Variants in KIF26B observed in about 807,000 individuals in gnomAD.
KIF26B encodes the protein kinesin-like protein KIF26B.
KIF26B carries 63 observed loss-of-function variants against 151.2 expected under a neutral mutation model. That is an observed-to-expected ratio of 0.42 (90% CI 0.34 to 0.51). The LOEUF is 0.51. Among genes scored for constraint, KIF26B ranks in the 20% least tolerant of loss-of-function variants. The pLI, the probability that KIF26B is intolerant of heterozygous loss-of-function variation, is 0.07. For missense variants in KIF26B, 2,813 were observed against 2,913.6 expected, an observed-to-expected ratio of 0.97 and a Z score of 0.79; for synonymous variants, 1,357 against 1,262.1, an observed-to-expected ratio of 1.08 and a Z score of -1.59.
rs34022501 is a variant in KIF26B, at chr1:245,619,603, C to CAAAAAA, written c.2098+7641_2098+7646dup. Among the ~76,000 whole-genome samples the CAAAAAA allele has an allele frequency of 3.7e-3, 415 of 110,714 alleles. 3 individuals are homozygous for CAAAAAA. The highest frequency in any genetic ancestry group is 0.014 in the African/African-American group (390 of 27,946). 72.6% of individuals were successfully genotyped at this position (110,714 alleles called of 152,430 possible). A position where few individuals can be genotyped will look rare whatever the true frequency, so the allele number is the denominator to read the frequency against. ...CCTGGGCAATAGAGGGAAACTGTTT[C>CAAAAAA]AAAAAAAAAAAAAAAAAAAGAATCT... On this transcript the variant is annotated intron_variant, in intron 9 of 14. Transcript: ENST00000407071.
chr1:245,665,999 C>CTATTTTTTT (rs2044209518), intron 10 of KIF26B, among the ~76,000 whole-genome samples: 1 of 107,414 alleles, frequency 9.3e-6, no homozygotes, highest in Non-Finnish European at 1.8e-5. Flanking sequence ...ACATTATGTC[C>CTATTTTTTT]TTTTTTTTTT....
At chr1:245,449,168 G>A (rs1041822374) in intron 4 of KIF26B, among the ~76,000 whole-genome samples, 2 of 152,196 alleles carry the variant, frequency 1.3e-5, no homozygotes, top group Non-Finnish European at 2.9e-5. Context: ...AGGAGCTGGA[G>A]TCTGCAGCTG....
chr1:245,498,277 G>T (rs1660551351), intron 4 of KIF26B, among the ~76,000 whole-genome samples: 2 of 152,116 alleles, frequency 1.3e-5, no homozygotes, highest in African/African-American at 4.8e-5. Context: ...TTGAATCAGA[G>T]ACCTCAGGGG....
At chr1:245,300,027 A>G (rs1388862895) in intron 2 of KIF26B, among the ~76,000 whole-genome samples, 1 of 152,194 alleles carries the variant, frequency 6.6e-6, no homozygotes, top group Non-Finnish European at 1.5e-5. Flanking sequence ...ACATTGCAAA[A>G]TGTCCTTCTG....
At chr1:245,280,295 T>C (rs1296404202) in intron 2 of KIF26B, among the ~76,000 whole-genome samples, 1 of 149,500 alleles carries the variant, frequency 6.7e-6, no homozygotes, top group Non-Finnish European at 1.5e-5. Context: ...GGGTGGATCA[T>C]GAGGTCAGGA....
intron 10 of KIF26B, among the ~76,000 whole-genome samples, chr1:245,651,283 G>A (rs1387816554): frequency 6.6e-6 from 1 of 152,204 alleles, no homozygotes; most frequent in Admixed American, 6.5e-5. Context: ...TGACTTGAAA[G>A]GAAATGACAC....
intron 10 of KIF26B, among the ~76,000 whole-genome samples, chr1:245,665,651 C>A (rs922521486): frequency 1.3e-5 from 2 of 152,214 alleles, no homozygotes; most frequent in Non-Finnish European, 2.9e-5. Flanking sequence ...TACATAGGTA[C>A]ATCAATTACA....
chr1:245,555,701 A>G (rs1662005797), intron 5 of KIF26B, among the ~76,000 whole-genome samples: 1 of 152,100 alleles, frequency 6.6e-6, no homozygotes, highest in Non-Finnish European at 1.5e-5. Context: ...TTTAGGAGAA[A>G]AACCCAAGAC....
chr1:245,483,973 C>A (rs987241108), intron 4 of KIF26B, among the ~76,000 whole-genome samples: 4 of 151,858 alleles, frequency 2.6e-5, no homozygotes, highest in Non-Finnish European at 5.9e-5. Flanking sequence ...TTTATAAAAT[C>A]TGTAAGTTAG....
In KIF26B at chr1:245,705,870, C is replaced by T. The variant is rs1443037489; in HGVS notation, c.*3264C>T. ...CTTGTTGTCCTTGAATTCCCCTCTA[C>T]ATCACGAGGAAGCTGTCTCTTTCAT... On this transcript the variant is annotated 3_prime_UTR_variant, in exon 15 of 15. Coordinates refer to ENST00000407071, the MANE Select transcript of KIF26B (RefSeq NM_018012.4). The T allele has an allele frequency of 6.6e-6, 1 of 152,252 alleles. No individual in the cohort carries two copies. The highest frequency in any genetic ancestry group is 1.5e-5 in the Non-Finnish European group (1 of 68,038). 9.4% of individuals were successfully genotyped at this position (152,252 alleles called of 1,614,324 possible).
chr1:245,321,050 CAA>C (rs1040332738), intron 2 of KIF26B, among the ~76,000 whole-genome samples: 3 of 152,194 alleles, frequency 2.0e-5, no homozygotes, highest in African/African-American at 7.2e-5. Flanking sequence ...TTTATTGTCA[CAA>C]AAGTGTTCTG....
intron 2 of KIF26B, among the ~76,000 whole-genome samples, chr1:245,295,564 T>C (rs1671322291): frequency 6.6e-6 from 1 of 152,224 alleles, no homozygotes; most frequent in African/African-American, 2.4e-5. Flanking sequence ...CAGTGGCGTT[T>C]TCAGTCTGTG....
chr1:245,611,953 T>C lies in KIF26B; in HGVS notation c.2075T>C (p.Met692Thr), dbSNP rs1443175525. 2 of 1,612,806 alleles carry C rather than the reference T, an allele frequency of 1.2e-6. No homozygotes were observed. Among genetic ancestry groups the C allele is most frequent in the African/African-American group, 1.3e-5 (1 of 74,838 alleles). The change falls in exon 9 of 15, where the codon ATG becomes ACG. Residue 692 changes from methionine to threonine, a missense_variant. This residue lies in a region of KIF26B where 2,060 missense variants were observed against 2,088.6 expected (regional missense o/e 0.99). Coordinates refer to ENST00000407071, the MANE Select transcript of KIF26B (RefSeq NM_018012.4). The part of the protein sequence containing the change: ...FFTLHIYQYR[M>T]EKSGKGGMSG... ...ACACTGCACATCTACCAGTACCGGATGGAGAAGAGCGGGAAAGGGGGAAGT... is the reference window on the plus strand; with the variant it reads ...ACACTGCACATCTACCAGTACCGGACGGAGAAGAGCGGGAAAGGGGGAAGT...
intron 3 of KIF26B, among the ~76,000 whole-genome samples, chr1:245,412,885 G>C (rs78661608): frequency 6.6e-6 from 1 of 152,096 alleles, no homozygotes; most frequent in African/African-American, 2.4e-5. Flanking sequence ...ACATGTACAC[G>C]CACATGCACA....
intron 10 of KIF26B, among the ~76,000 whole-genome samples, chr1:245,661,642 AC>A (rs1390639923): frequency 6.6e-6 from 1 of 150,972 alleles, no homozygotes; most frequent in African/African-American, 2.4e-5. Flanking sequence ...ATATATATAC[AC>A]CCAATGTTAT....
intron 2 of KIF26B, among the ~76,000 whole-genome samples, chr1:245,252,818 G>A (rs561687056): frequency 2.0e-5 from 3 of 152,150 alleles, no homozygotes; most frequent in African/African-American, 7.2e-5. Context: ...TCAGTTCTAA[G>A]TTTTGTAAGG....
At chr1:245,462,666 C>G (rs763929020) in intron 4 of KIF26B, among the ~76,000 whole-genome samples, 13 of 152,174 alleles carry the variant, frequency 8.5e-5, no homozygotes, top group Admixed American at 6.5e-4. Context: ...TCCCCTGTTA[C>G]TGAGCACTTT....
intron 2 of KIF26B, among the ~76,000 whole-genome samples, chr1:245,201,994 A>T (rs938639486): frequency 9.9e-5 from 15 of 152,162 alleles, no homozygotes; most frequent in African/African-American, 3.1e-4. Flanking sequence ...TAAAGGCAGG[A>T]GGCCTGTTGG....
At position 245,244,157 on chromosome 1, in the gene KIF26B, A is replaced by C. The variant is rs957948944; in HGVS notation, c.465+87474A>C. Among the ~76,000 whole-genome samples the C allele has an allele frequency of 1.3e-5, 2 of 151,970 alleles. No homozygotes were observed. Among genetic ancestry groups the C allele is most frequent in the Non-Finnish European group, 2.9e-5 (2 of 68,022 alleles). Reference sequence around the variant, plus strand: ...TTTTTTGTAGAGATTGGGTCTTGCTATGTTACCCAGGCTGATCTCGAACTC... The same window carrying C: ...TTTTTTGTAGAGATTGGGTCTTGCTCTGTTACCCAGGCTGATCTCGAACTC... On this transcript the variant is annotated intron_variant, in intron 2 of 14. Coordinates refer to ENST00000407071, the MANE Select transcript of KIF26B (RefSeq NM_018012.4). This position sits in a 1 kb window ranked among gnomAD's most constrained non-coding sequence, Gnocchi z 4.2.
Sources: allele counts gnomAD v4.1 joint callset (sites outside exome capture counted in the v4.1 genomes callset), GRCh38; gene constraint gnomAD v4.1.1; regional missense constraint gnomAD v4.1.1; non-coding constraint Gnocchi (gnomAD v3.1); transcripts MANE v1.5; gene names NCBI Gene and HGNC (gene_info 2026-07-23, HGNC 2026-07-21).